Variants in HEYL observed in about 807,000 individuals in gnomAD.
HEYL encodes the protein hes related family bHLH transcription factor with YRPW motif like.
A neutral mutation model predicts 18.6 loss-of-function variants in HEYL; 12 were observed. That is an observed-to-expected ratio of 0.65 (90% CI 0.41 to 1.05). HEYL has a LOEUF of 1.05. Ranked by LOEUF, HEYL falls within the 50% of genes least tolerant of loss-of-function variation. The pLI, the probability that HEYL is intolerant of heterozygous loss-of-function variation, is 0.00. For synonymous variants in HEYL, 159 were observed against 179.6 expected (o/e 0.89, Z 0.91); for missense variants, 420 against 444.7 (o/e 0.94, Z 0.50).
At chr1:39,629,510 C>T (rs1646320442) in intron 4 of HEYL, among the ~76,000 whole-genome samples, 1 of 152,170 alleles carries the variant, frequency 6.6e-6, no homozygotes, top group African/African-American at 2.4e-5. Flanking sequence ...TTCAGAAGCA[C>T]CAGAATGGGC....
chr1:39,626,703 C>CT lies in HEYL; in HGVS notation c.790dup (p.Ser264LysfsTer58). On this transcript the variant is annotated frameshift_variant, in exon 5 of 5. Coordinates refer to ENST00000372852, the MANE Select transcript of HEYL (RefSeq NM_014571.4). LOFTEE classifies it low-confidence loss of function (END_TRUNC). ...GATGTGGCTGCTCCTGGCAGCCCTG[C>CT]TGCTGGGGGCGACAGGCACAGGGGT... is the stretch of plus-strand genomic sequence containing the variant. 1.3e-6 allele frequency: 2 copies of CT among 1,503,970 alleles called. No individual in the cohort carries two copies. The highest frequency in any genetic ancestry group is 1.8e-6 in the Non-Finnish European group (2 of 1,123,520). 93.2% of individuals were successfully genotyped at this position (1,503,970 alleles called of 1,614,324 possible).
At chr1:39,635,364 C>T (rs969751916) in intron 1 of HEYL, among the ~76,000 whole-genome samples, 3 of 152,206 alleles carry the variant, frequency 2.0e-5, no homozygotes, top group Non-Finnish European at 4.4e-5. Context: ...CTTGATAAAG[C>T]GTCTTTCCGG....
At position 39,631,483 on chromosome 1, in the gene HEYL, CA is replaced by C; in HGVS notation, c.231+12del. On this transcript the variant is annotated intron_variant, in intron 3 of 4. Transcript: ENST00000372852. ...ACAGTATTTCCTCTAGCACAATCAGCAATGTCACATACCTGTTTCTCAAAGG... is the reference window on the plus strand; with the variant it reads ...ACAGTATTTCCTCTAGCACAATCAGCATGTCACATACCTGTTTCTCAAAGG... The C allele has an allele frequency of 6.2e-7, 1 of 1,611,930 alleles. No individual in the cohort carries two copies. The highest frequency in any genetic ancestry group is 8.5e-7 in the Non-Finnish European group (1 of 1,177,970).
intron 1 of HEYL, among the ~76,000 whole-genome samples, chr1:39,636,979 A>G (rs997151433): frequency 6.6e-6 from 1 of 152,240 alleles, no homozygotes; most frequent in Non-Finnish European, 1.5e-5. Context: ...CCTGCGAGGC[A>G]GGAGTGCTAA....
chr1:39,638,357 C>A (rs1557739637), intron 1 of HEYL, among the ~76,000 whole-genome samples: 1 of 152,052 alleles, frequency 6.6e-6, no homozygotes, highest in Non-Finnish European at 1.5e-5. Context: ...TTTGGGAGGC[C>A]AAGGCAGGAG....
intron 1 of HEYL, among the ~76,000 whole-genome samples, chr1:39,638,112 T>A (rs1419556757): frequency 1.3e-5 from 2 of 152,244 alleles, no homozygotes; most frequent in African/African-American, 2.4e-5. Flanking sequence ...CAGTTTCTGC[T>A]AAACAATTAA....
At chr1:39,630,637 G>A (rs1351627323) in intron 3 of HEYL, among the ~76,000 whole-genome samples, 1 of 152,042 alleles carries the variant, frequency 6.6e-6, no homozygotes, top group African/African-American at 2.4e-5. Context: ...GTGTCACTTC[G>A]CATTCTGCTG....
chr1:39,628,757 C>T (rs1435241533), intron 4 of HEYL, among the ~76,000 whole-genome samples: 1 of 151,958 alleles, frequency 6.6e-6, no homozygotes, highest in Non-Finnish European at 1.5e-5. Flanking sequence ...ACCACCACAC[C>T]CGGCTGATTT....
chr1:39,637,761 G>A (rs944459919), intron 1 of HEYL, among the ~76,000 whole-genome samples: 1 of 152,202 alleles, frequency 6.6e-6, no homozygotes, highest in Non-Finnish European at 1.5e-5. Context: ...CCTCATGTAA[G>A]CAGTTGCCCA....
Position 39,632,592 on chromosome 1 carries a change from C to T in HEYL, c.147+57G>A, listed in dbSNP as rs534608928. 8 of 1,491,412 alleles carry T rather than the reference C, an allele frequency of 5.4e-6. No homozygotes were observed. In the South Asian group the frequency reaches 9.5e-5, roughly 18 times the overall value. 92.4% of individuals were successfully genotyped at this position (1,491,412 alleles called of 1,614,324 possible). ...TAGGGTTCTCCCCGCCGCCAGACTG[C>T]AGGGGATTCATGGCAACCCTTTGTT... On this transcript the variant is annotated intron_variant, in intron 2 of 4. Transcript: ENST00000372852.
At position 39,625,040 on chromosome 1, in the gene HEYL, G is replaced by A. The variant is rs1646288316; in HGVS notation, c.*1467C>T. 1 of 152,192 alleles carries A rather than the reference G, an allele frequency of 6.6e-6. No individual in the cohort carries two copies. The highest frequency in any genetic ancestry group is 6.6e-5 in the Admixed American group (1 of 15,266). 9.4% of individuals were successfully genotyped at this position (152,192 alleles called of 1,614,324 possible). A position where few individuals can be genotyped will look rare whatever the true frequency, so the allele number is the denominator to read the frequency against. On this transcript the variant is annotated 3_prime_UTR_variant, in exon 5 of 5. Transcript: ENST00000372852. ...AATCTTCCCAGGGGTGACAACTGAA[G>A]TATCTAACCAGTGTGGAATGAGCAC...
rs764180477 is a variant in HEYL, at chr1:39,626,841, C to T, written c.653G>A (p.Arg218Gln). 6.7e-5 allele frequency: 105 copies of T among 1,576,630 alleles called. No individual in the cohort carries two copies. Among genetic ancestry groups the T allele is most frequent in the Middle Eastern group, 1.7e-4 (1 of 6,014 alleles). ...TGTGGCTCTGCGAAGGGGAGCGGTT[C>T]GGAGGGCTGGGATGGGGTAAGCAGG... is the stretch of plus-strand genomic sequence containing the variant. ...SSPAYPIPAL[R>Q]TAPLRRATGI... Residue 218 changes from arginine to glutamine, a missense_variant, in exon 5 of 5, where the codon CGA becomes CAA. Physicochemically the swap from Arg to Gln is conservative, Grantham distance 43. Transcript: ENST00000372852.
intron 4 of HEYL, among the ~76,000 whole-genome samples, chr1:39,629,874 AG>A (rs905932662): frequency 6.6e-6 from 1 of 152,156 alleles, no homozygotes; most frequent in African/African-American, 2.4e-5. Flanking sequence ...CCCTGGGTTA[AG>A]GGGGGTCAGA....
intron 1 of HEYL, chr1:39,633,136 C>T (rs1646344263): frequency 1.0e-6 from 1 of 983,778 alleles, no homozygotes; most frequent in Admixed American, 6.2e-5. Flanking sequence ...CCGCTGCTTC[C>T]CACGGGCCGG....
intron 1 of HEYL, 55 bp from the exon 2 acceptor site, chr1:39,632,770 C>T (rs1646341416): frequency 5.6e-6 from 9 of 1,604,164 alleles, no homozygotes; most frequent in Non-Finnish European, 6.0e-6. Context: ...TCTCCCCGGC[C>T]TGGGCCGACC....
intron 4 of HEYL, among the ~76,000 whole-genome samples, chr1:39,627,477 G>A (rs982405500): frequency 3.3e-5 from 5 of 152,234 alleles, no homozygotes; most frequent in African/African-American, 4.8e-5. Flanking sequence ...AAAACTTTGT[G>A]GCCAAGATAA....
In HEYL at chr1:39,631,352, T is replaced by C. The variant is rs540856527; in HGVS notation, c.231+144A>G. On this transcript the variant is annotated intron_variant, in intron 3 of 4. Transcript: ENST00000372852. Reference sequence around the variant, plus strand: ...CACCTAAGTATAAATTTCCATTCCTTTTACCCTGGCCAGTGACAGATATTG... The same window carrying C: ...CACCTAAGTATAAATTTCCATTCCTCTTACCCTGGCCAGTGACAGATATTG... 8 of 685,194 alleles carry C rather than the reference T, an allele frequency of 1.2e-5. No homozygotes were observed. In the East Asian group the frequency reaches 1.6e-4, roughly 14 times the overall value. 42.4% of individuals were successfully genotyped at this position (685,194 alleles called of 1,614,324 possible).
chr1:39,633,197 A>C, intron 1 of HEYL: 37 of 795,222 alleles, frequency 4.7e-5, no homozygotes, highest in South Asian at 5.7e-5. Context: ...GCCTCCTCCC[A>C]CGCGGTGCGG....
chr1:39,626,518 CGATTTCAGT>C lies in HEYL; in HGVS notation c.967_975del (p.Thr323_Ile325del). ...GGTGAAGGGGCAGCTCAGAAAGCCC[CGATTTCAGT>C]GATTTCAGAGACCCAGGAGTGGTAG... On this transcript the variant is annotated inframe_deletion, in exon 5 of 5. Coordinates refer to ENST00000372852, the MANE Select transcript of HEYL (RefSeq NM_014571.4). 1 of 1,529,676 alleles carries C rather than the reference CGATTTCAGT, an allele frequency of 6.5e-7. No individual in the cohort carries two copies. The highest frequency in any genetic ancestry group is 1.3e-5 in the South Asian group (1 of 79,986). The allele number at this position is 1,529,676 out of a possible 1,614,324, so 94.8% of individuals were successfully genotyped here. A position where few individuals can be genotyped will look rare whatever the true frequency, so the allele number is the denominator to read the frequency against.
Sources: allele counts gnomAD v4.1 joint callset (sites outside exome capture counted in the v4.1 genomes callset), GRCh38; gene constraint gnomAD v4.1.1; transcripts MANE v1.5; gene names NCBI Gene and HGNC (gene_info 2026-07-23, HGNC 2026-07-21).